ZNF141: variants seen among roughly 807,000 people sequenced by gnomAD.
ZNF141 encodes the protein zinc finger protein 141, also known as zinc finger protein 141 (clone pHZ-44).
In ZNF141, 7 loss-of-function variants were observed where a neutral mutation model predicts 11.3. The observed-to-expected ratio is 0.62, with a 90% confidence interval of 0.35 to 1.16. The LOEUF (loss-of-function observed/expected upper bound fraction) is 1.16, where lower values mean the gene tolerates loss of function less well. Ranked by LOEUF, ZNF141 falls within the 50% of genes most tolerant of loss-of-function variation. The pLI is 0.02. For synonymous variants in ZNF141, 183 were observed against 190.7 expected (o/e 0.96, Z 0.33); for missense variants, 535 against 554.0 (o/e 0.97, Z 0.34).
chr4:347,307 G>A (rs1229043049), intron 3 of ZNF141, among the ~76,000 whole-genome samples: 2 of 149,388 alleles, frequency 1.3e-5, no homozygotes, highest in Non-Finnish European at 3.0e-5. Flanking sequence ...AAAGTGCTGG[G>A]ATTACAGGAG....
intron 3 of ZNF141, chr4:350,044 C>T: frequency 4.2e-6 from 2 of 477,328 alleles, no homozygotes; most frequent in South Asian, 1.6e-5. Flanking sequence ...ACAGGCCTGC[C>T]TCCAGGGCCA....
At position 373,519 on chromosome 4, in the gene ZNF141, ATACTGGAGAG is replaced by A; in HGVS notation, c.1083_1092del (p.Thr362GlyfsTer18). The stretch of plus-strand genomic sequence containing the variant: ...AAACTGAATGAACATAAGAAAGTTC[ATACTGGAGAG>A]CGGCCCTACAAATGTGATGAATGTG... On this transcript the variant is annotated frameshift_variant, in exon 4 of 4. Coordinates refer to ENST00000240499, the MANE Select transcript of ZNF141 (RefSeq NM_003441.4). LOFTEE classifies it low-confidence loss of function (END_TRUNC). 6.2e-7 allele frequency: 1 copy of A among 1,614,050 alleles called. No homozygotes were observed. The highest frequency in any genetic ancestry group is 1.3e-5 in the African/African-American group (1 of 75,036).
Position 384,673 on chromosome 4 carries a change from C to G in ZNF141, c.*10811C>G, listed in dbSNP as rs1197339915. 1.3e-5 allele frequency: 2 copies of G among 152,182 alleles called. No individual in the cohort carries two copies. Among genetic ancestry groups the G allele is most frequent in the African/African-American group, 2.4e-5 (1 of 41,432 alleles). The allele number at this position is 152,182 out of a possible 1,614,324, so 9.4% of individuals were successfully genotyped here. On this transcript the variant is annotated 3_prime_UTR_variant, in exon 4 of 4. Transcript: ENST00000240499. ...ACCAAGATGGAGTCACTGTGGTCAA[C>G]TCCAGGCATGCACAGATACAACACC... is the stretch of plus-strand genomic sequence containing the variant.
At position 374,625 on chromosome 4, in the gene ZNF141, A is replaced by G. The variant is rs1264061639; in HGVS notation, c.*763A>G. 1.3e-5 allele frequency: 2 copies of G among 157,204 alleles called. No homozygotes were observed. The highest frequency in any genetic ancestry group is 2.8e-5 in the Non-Finnish European group (2 of 71,002). The allele number at this position is 157,204 out of a possible 1,614,324, so 9.7% of individuals were successfully genotyped here. The stretch of plus-strand genomic sequence containing the variant: ...TATTTGAGAGTAGAAGATTCATTCC[A>G]CAAACTTACATTGAGAAGATATGAA... On this transcript the variant is annotated 3_prime_UTR_variant, in exon 4 of 4. Transcript: ENST00000240499.
chr4:362,887 T>C (rs1711558460), intron 3 of ZNF141, among the ~76,000 whole-genome samples: 1 of 152,226 alleles, frequency 6.6e-6, no homozygotes, highest in East Asian at 1.9e-4. Context: ...ATATGAACTT[T>C]AAAGTAGTTT....
chr4:372,808 A>G lies in ZNF141; in HGVS notation c.371A>G (p.Lys124Arg). Residue 124 changes from lysine (K) to arginine (R), a missense_variant, in exon 4 of 4, where the codon AAG (lysine) becomes AGG (arginine). Lys to Arg is a conservative substitution (Grantham distance 26). Coordinates refer to ENST00000240499, the MANE Select transcript of ZNF141 (RefSeq NM_003441.4). ...GGCTGTAAAAGTTTGAATGAGTGTA[A>G]GTTGCAGAAAGGAGGTTATAATGAA... ...RKGCKSLNEC[K>R]LQKGGYNEFN... The G allele has an allele frequency of 2.5e-6, 4 of 1,613,916 alleles. No individual in the cohort carries two copies. Among genetic ancestry groups the G allele is most frequent in the Non-Finnish European group, 3.4e-6 (4 of 1,179,886 alleles).
At chr4:355,023 A>G (rs2108701290) in intron 3 of ZNF141, among the ~76,000 whole-genome samples, 1 of 152,088 alleles carries the variant, frequency 6.6e-6, no homozygotes, top group Non-Finnish European at 1.5e-5. Flanking sequence ...TGTTACTATC[A>G]TATTTGTTTT....
At chr4:339,043 C>T (rs1720927127) in intron 1 of ZNF141, among the ~76,000 whole-genome samples, 1 of 152,216 alleles carries the variant, frequency 6.6e-6, no homozygotes, top group South Asian at 2.1e-4. Context: ...TTCCCTGCAC[C>T]CTGCTGCCAG....
At chr4:361,932 A>G (rs182630352) in intron 3 of ZNF141, among the ~76,000 whole-genome samples, 3 of 152,372 alleles carry the variant, frequency 2.0e-5, no homozygotes, top group East Asian at 1.9e-4. Context: ...TTCTAGTTCT[A>G]AATCCTTGAG....
rs1193455263 is a variant in ZNF141, at chr4:375,706, G to C, written c.*1844G>C. Reference sequence around the variant, plus strand: ...CACTTGAAAAAAGTATAGATTTTTTGAAAAGCATATAATAGTTAATTCAAC... The same window carrying C: ...CACTTGAAAAAAGTATAGATTTTTTCAAAAGCATATAATAGTTAATTCAAC... On this transcript the variant is annotated 3_prime_UTR_variant, in exon 4 of 4. Coordinates refer to ENST00000240499, the MANE Select transcript of ZNF141 (RefSeq NM_003441.4). Among the ~76,000 whole-genome samples, 1 of 152,006 alleles carries C rather than the reference G, an allele frequency of 6.6e-6. No homozygotes were observed. Among genetic ancestry groups the C allele is most frequent in the Non-Finnish European group, 1.5e-5 (1 of 67,914 alleles).
At chr4:365,568 A>G (rs1196767447) in intron 3 of ZNF141, among the ~76,000 whole-genome samples, 1 of 152,236 alleles carries the variant, frequency 6.6e-6, no homozygotes, top group Non-Finnish European at 1.5e-5. Context: ...ATATTTCACA[A>G]ATATTTTCTT....
intron 3 of ZNF141, 151 bp downstream of exon 3, chr4:344,581 G>A: frequency 1.9e-6 from 1 of 537,228 alleles, no homozygotes. Flanking sequence ...GGATCACGAG[G>A]TCAAGAGATC....
chr4:372,766 A>G lies in ZNF141; in HGVS notation c.329A>G (p.Asn110Ser), dbSNP rs1553853747. ...AGATATGAGAAATGTGGACATGATA[A>G]TTTACAATTAAGAAAAGGCTGTAAA... Reference protein sequence around the residue: ...LRRYEKCGHDNLQLRKGCKSL... With the variant: ...LRRYEKCGHDSLQLRKGCKSL... Residue 110 changes from asparagine (N) to serine (S), a missense_variant, in exon 4 of 4, where the codon AAT becomes AGT. By Grantham distance (46) the Asn-to-Ser change is conservative. Transcript: ENST00000240499. 1 of 1,613,934 alleles carries G rather than the reference A, an allele frequency of 6.2e-7. No individual in the cohort carries two copies. Among genetic ancestry groups the G allele is most frequent in the Admixed American group, 1.7e-5 (1 of 59,994 alleles).
In ZNF141 at chr4:346,893, A is replaced by ACCCC. The variant is rs781896435; in HGVS notation, c.226+2465_226+2466insCCCC. On this transcript the variant is annotated intron_variant, in intron 3 of 3. Transcript: ENST00000240499. ...TATATATGTATACACACACACACACACCGCCCCCCCCATATATTGGCTACT... is the reference window on the plus strand; with the variant it reads ...TATATATGTATACACACACACACACACCCCCCGCCCCCCCCATATATTGGCTACT... 2.0e-3 allele frequency among the ~76,000 whole-genome samples: 270 copies of ACCCC among 135,378 alleles called. 14 individuals are homozygous for ACCCC. Among genetic ancestry groups the ACCCC allele is most frequent in the African/African-American group, 7.0e-3 (220 of 31,288 alleles). The allele number at this position is 135,378 out of a possible 152,430, so 88.8% of individuals were successfully genotyped here. A position where few individuals can be genotyped will look rare whatever the true frequency, so the allele number is the denominator to read the frequency against.
At chr4:354,856 G>A (rs1250577607) in intron 3 of ZNF141, among the ~76,000 whole-genome samples, 2 of 151,836 alleles carry the variant, frequency 1.3e-5, no homozygotes, top group African/African-American at 4.8e-5. Context: ...TTTCCTTCCG[G>A]TGTTGATTTC....
intron 3 of ZNF141, among the ~76,000 whole-genome samples, chr4:360,026 T>C (rs1358338422): frequency 6.6e-6 from 1 of 152,206 alleles, no homozygotes; most frequent in Non-Finnish European, 1.5e-5. Context: ...AAATGATAGC[T>C]ATGTTTACAA....
Position 344,428 on chromosome 4 carries a change from C to T in ZNF141, c.224C>T (p.Pro75Leu), listed in dbSNP as rs782668473. The T allele has an allele frequency of 5.0e-6, 8 of 1,604,534 alleles. No homozygotes were observed. The highest frequency in any genetic ancestry group is 1.7e-5 in the Admixed American group (1 of 59,654). ...VKIHKIVARP[P>L]AMCSHFTQDH... is the part of the protein sequence containing the mutation. Reference sequence around the variant, plus strand: ...ATACATAAGATCGTAGCCAGACCCCCAGGTAGGTGAGAGTGAATGGAGGAG... The same window carrying T: ...ATACATAAGATCGTAGCCAGACCCCTAGGTAGGTGAGAGTGAATGGAGGAG... The change falls in exon 3 of 4, where the codon CCA becomes CTA. Residue 75 changes from proline to leucine, a missense_variant and splice_region_variant. Pro to Leu is a moderately conservative substitution (Grantham distance 98, BLOSUM62 -3). Coordinates refer to ENST00000240499, the MANE Select transcript of ZNF141 (RefSeq NM_003441.4).
At chr4:350,161 A>T (rs1553850212) in intron 3 of ZNF141, 1 of 534,670 alleles carries the variant, frequency 1.9e-6, no homozygotes, top group African/African-American at 1.9e-5. Context: ...CAGAATCCTC[A>T]GTAAGACCAA....
rs1712323237 is a variant in ZNF141 at position 375,563 on chromosome 4, A to G, written c.*1701A>G. Among the ~76,000 whole-genome samples, 2 of 152,130 alleles carry G rather than the reference A, an allele frequency of 1.3e-5. No individual in the cohort carries two copies. On this transcript the variant is annotated 3_prime_UTR_variant, in exon 4 of 4. Transcript: ENST00000240499. ...AAGGAACTAACACTTTAGACACTGCAGTAAATCAGAGTATTAAGTATTAAA... is the reference window on the plus strand; with the variant it reads ...AAGGAACTAACACTTTAGACACTGCGGTAAATCAGAGTATTAAGTATTAAA...
Sources: gnomAD v4.1 joint callset for allele counts (sites outside exome capture counted in the v4.1 genomes callset) on GRCh38, gnomAD v4.1.1 for gene constraint, MANE v1.5 for transcripts, NCBI Gene and HGNC (gene_info 2026-07-23, HGNC 2026-07-21) for gene names.